Variants in STAT1 observed in about 807,000 individuals in gnomAD.
STAT1 encodes the protein signal transducer and activator of transcription 1-alpha/beta.
A neutral mutation model predicts 111.7 loss-of-function variants in STAT1; 24 were observed. The observed-to-expected ratio is 0.21, with a 90% CI of 0.16 to 0.30. The LOEUF (loss-of-function observed/expected upper bound fraction) is 0.30. Among genes scored for constraint, STAT1 ranks in the 10% least tolerant of loss-of-function variants. STAT1 has a pLI of 1.00. For synonymous variants in STAT1, 332 were observed against 326.5 expected (o/e 1.02, Z -0.18); for missense variants, 351 against 911.9 (o/e 0.38, Z 7.92).
rs4853537 is a variant in STAT1 at position 190,989,213 on chromosome 2, G to A, written c.1097+402C>T. Among the ~76,000 whole-genome samples, 41,721 of 152,162 alleles carry A rather than the reference G, an allele frequency of 0.27. 7,814 individuals carry two copies. Among genetic ancestry groups the A allele is most frequent in the African/African-American group, 0.5 (20,728 of 41,472 alleles). ...CTCCTTTGGGGCTGACCTAGAAGGA[G>A]GGGGTGGCATGCCAAGTCCAGCCAC... On this transcript the variant is annotated intron_variant, in intron 12 of 24. Transcript: ENST00000361099. The surrounding 1 kb of genome is among the most constrained non-coding windows in gnomAD (Gnocchi z 5.0).
intron 5 of STAT1, among the ~76,000 whole-genome samples, chr2:191,002,599 G>C (rs1405713699): frequency 6.6e-6 from 1 of 152,160 alleles, no homozygotes; most frequent in African/African-American, 2.4e-5. Context: ...AACTCAGGGA[G>C]AGCTAACATC....
Position 190,974,756 on chromosome 2 carries a change from T to A in STAT1, c.2238+74A>T. On this transcript the variant is annotated intron_variant, in intron 24 of 24. Transcript: ENST00000361099. This position sits in a 1 kb window ranked among gnomAD's most constrained non-coding sequence, Gnocchi z 4.8. The stretch of plus-strand genomic sequence containing the variant: ...CCCTCCCGCAGACAGGCCCGGGATC[T>A]GCCATGGTGCGCTCCCTGCCTCTGA... 1 of 1,336,544 alleles carries A rather than the reference T, an allele frequency of 7.5e-7. No individual in the cohort carries two copies. Among genetic ancestry groups the A allele is most frequent in the Non-Finnish European group, 1.1e-6 (1 of 928,894 alleles). 82.8% of individuals were successfully genotyped at this position (1,336,544 alleles called of 1,614,324 possible).
At position 190,987,570 on chromosome 2, in the gene STAT1, T is replaced by C. The variant is rs1413827881; in HGVS notation, c.1098-502A>G. 6.6e-6 allele frequency among the ~76,000 whole-genome samples: 1 copy of C among 152,222 alleles called. No individual in the cohort carries two copies. Among genetic ancestry groups the C allele is most frequent in the East Asian group, 1.9e-4 (1 of 5,198 alleles). ...CCATTTAATTCTCATTTTTATTCTC[T>C]ATGATCTTTAATGCTCTCATGAAAG... On this transcript the variant is annotated intron_variant, in intron 12 of 24. Transcript: ENST00000361099. The surrounding 1 kb of genome is among the most constrained non-coding windows in gnomAD (Gnocchi z 4.0).
In STAT1 at chr2:190,977,413, CTTTG is replaced by C. The variant is rs1045977997; in HGVS notation, c.1874-392_1874-389del. Among the ~76,000 whole-genome samples the C allele has an allele frequency of 1.2e-4, 18 of 152,288 alleles. No homozygotes were observed. Among genetic ancestry groups the C allele is most frequent in the South Asian group, 8.3e-4 (4 of 4,824 alleles). ...ATTTAAATTACTAGAGATAAACTCA[CTTTG>C]TTTTTCTTTTCATATTGAAAAATCT... On this transcript the variant is annotated intron_variant, in intron 21 of 24. Coordinates refer to ENST00000361099, the MANE Select transcript of STAT1 (RefSeq NM_007315.4). The surrounding 1 kb of genome is among the most constrained non-coding windows in gnomAD (Gnocchi z 4.7).
In STAT1 at chr2:190,970,531, C is replaced by G. The variant is rs1470359868; in HGVS notation, c.*172G>C. The G allele has an allele frequency of 5.5e-6, 4 of 724,322 alleles. No homozygotes were observed. The highest frequency in any genetic ancestry group is 4.5e-5 in the South Asian group (3 of 67,120). 44.9% of individuals were successfully genotyped at this position (724,322 alleles called of 1,614,324 possible). A position where few individuals can be genotyped will look rare whatever the true frequency, so the allele number is the denominator to read the frequency against. ...AGATGCATGATGCCCTTCAGAGTAACTGATGTTTCTGAGTTAGAGAAAAAT... is the reference window on the plus strand; with the variant it reads ...AGATGCATGATGCCCTTCAGAGTAAGTGATGTTTCTGAGTTAGAGAAAAAT... On this transcript the variant is annotated 3_prime_UTR_variant, in exon 25 of 25. Coordinates refer to ENST00000361099, the MANE Select transcript of STAT1 (RefSeq NM_007315.4). This position sits in a 1 kb window ranked among gnomAD's most constrained non-coding sequence, Gnocchi z 5.4.
At position 190,995,962 on chromosome 2, in the gene STAT1, A is replaced by G. The variant is rs1693822396; in HGVS notation, c.786-743T>C. Among the ~76,000 whole-genome samples, 1 of 152,188 alleles carries G rather than the reference A, an allele frequency of 6.6e-6. No homozygotes were observed. Among genetic ancestry groups the G allele is most frequent in the Admixed American group, 6.5e-5 (1 of 15,280 alleles). ...TTCCAGGTGATGCAAGAGGCAGCAA[A>G]GAGCCACTGCAGGTTCTGTCAAGAG... On this transcript the variant is annotated intron_variant, in intron 9 of 24. Transcript: ENST00000361099. The surrounding 1 kb of genome is among the most constrained non-coding windows in gnomAD (Gnocchi z 4.2).
At chr2:190,994,952 ATATAT>A in intron 10 of STAT1, 104 bp downstream of exon 10, 32 of 411,536 alleles carry the variant, frequency 7.8e-5, no homozygotes, top group Non-Finnish European at 1.2e-4. Flanking sequence ...ATATATATAT[ATATAT>A]AAAAAACACC....
In STAT1 at chr2:190,989,517, C is replaced by T; in HGVS notation, c.1097+98G>A. ...CCACCCAGTATAGACCCTTCCACAG[C>T]TAGAAATCTGCTTATTTAGTGGAGG... On this transcript the variant is annotated intron_variant, in intron 12 of 24. Coordinates refer to ENST00000361099, the MANE Select transcript of STAT1 (RefSeq NM_007315.4). The surrounding 1 kb of genome is among the most constrained non-coding windows in gnomAD (Gnocchi z 5.0). 1.2e-6 allele frequency: 1 copy of T among 867,190 alleles called. No homozygotes were observed. The highest frequency in any genetic ancestry group is 1.8e-6 in the Non-Finnish European group (1 of 549,168). 53.7% of individuals were successfully genotyped at this position (867,190 alleles called of 1,614,324 possible).
intron 4 of STAT1, 143 bp downstream of exon 4, chr2:191,008,820 C>T (rs901774226): frequency 6.0e-6 from 5 of 830,760 alleles, no homozygotes; most frequent in Admixed American, 2.8e-5. Context: ...TTTACTGATG[C>T]TGTAGAAAAC....
In STAT1 at chr2:190,991,214, C is replaced by A. The variant is rs775868840; in HGVS notation, c.1037+14G>T. The stretch of plus-strand genomic sequence containing the variant: ...TGACAGGTGATGTATGGGATGCCAT[C>A]TTTCCCTTGTTACCTCAACTTCACA... On this transcript the variant is annotated intron_variant, in intron 11 of 24. Coordinates refer to ENST00000361099, the MANE Select transcript of STAT1 (RefSeq NM_007315.4). 1.1e-5 allele frequency: 18 copies of A among 1,613,308 alleles called. No individual in the cohort carries two copies. The highest frequency in any genetic ancestry group is 1.5e-5 in the Non-Finnish European group (18 of 1,179,398).
rs1693555410 is a variant in STAT1, at chr2:190,993,465, T to C, written c.944+1596A>G. ...GTGCTGATGTAGCTTTCTGTATATG[T>C]TATCATCTGCAAACCTAAGAAGGAG... On this transcript the variant is annotated intron_variant, in intron 10 of 24. Transcript: ENST00000361099. The surrounding 1 kb of genome is among the most constrained non-coding windows in gnomAD (Gnocchi z 4.1). 8.0e-7 allele frequency: 1 copy of C among 1,254,286 alleles called. No individual in the cohort carries two copies. Among genetic ancestry groups the C allele is most frequent in the Non-Finnish European group, 1.1e-6 (1 of 874,352 alleles). 77.7% of individuals were successfully genotyped at this position (1,254,286 alleles called of 1,614,324 possible). A position where few individuals can be genotyped will look rare whatever the true frequency, so the allele number is the denominator to read the frequency against.
Position 190,983,797 on chromosome 2 carries a change from T to C in STAT1, c.1348-57A>G, listed in dbSNP as rs1692569507. Reference sequence around the variant, plus strand: ...GAATCACAGAAATGTCACCTTCAGATAACTGCTTAGCCTCAACTAAAAGCA... The same window carrying C: ...GAATCACAGAAATGTCACCTTCAGACAACTGCTTAGCCTCAACTAAAAGCA... On this transcript the variant is annotated intron_variant, in intron 16 of 24. Transcript: ENST00000361099. The surrounding 1 kb of genome is among the most constrained non-coding windows in gnomAD (Gnocchi z 5.7). The C allele has an allele frequency of 7.0e-7, 1 of 1,434,496 alleles. No homozygotes were observed. The allele number at this position is 1,434,496 out of a possible 1,614,324, so 88.9% of individuals were successfully genotyped here.
Position 191,013,899 on chromosome 2 carries a change from G to A in STAT1, c.-156+119C>T, listed in dbSNP as rs868383271. On this transcript the variant is annotated intron_variant, in intron 1 of 24. Transcript: ENST00000361099. Reference sequence around the variant, plus strand: ...TACTCAGGACGCGTTCTTCCTCTGGGATCACTATTCGCGGGTCAGCACAGA... The same window carrying A: ...TACTCAGGACGCGTTCTTCCTCTGGAATCACTATTCGCGGGTCAGCACAGA... 1.1e-5 allele frequency: 4 copies of A among 374,302 alleles called. No homozygotes were observed. The South Asian group carries it at 5.9e-4, about 55-fold the overall frequency. The allele number at this position is 374,302 out of a possible 1,614,324, so 23.2% of individuals were successfully genotyped here.
chr2:191,007,615 C>G lies in STAT1; in HGVS notation c.320G>C (p.Ser107Thr). ...AATTTTCCTTTCTTCCTTCAGACAG[C>G]TGTAAATGATCATAGACATCTGGAT... ...DPIQMSMIIYSCLKEERKILE... is the reference protein window; with the variant it reads ...DPIQMSMIIYTCLKEERKILE... Residue 107 changes from serine (S) to threonine (T), a missense_variant, in exon 5 of 25, where the codon AGC becomes ACC. Ser to Thr is a moderately conservative substitution (Grantham distance 58). Transcript: ENST00000361099. This position sits in a 1 kb window ranked among gnomAD's most constrained non-coding sequence, Gnocchi z 4.2. 1 of 1,613,738 alleles carries G rather than the reference C, an allele frequency of 6.2e-7. No individual in the cohort carries two copies. The highest frequency in any genetic ancestry group is 8.5e-7 in the Non-Finnish European group (1 of 1,179,894).
intron 4 of STAT1, among the ~76,000 whole-genome samples, chr2:191,008,716 A>G (rs916615847): frequency 5.3e-5 from 8 of 152,246 alleles, no homozygotes; most frequent in African/African-American, 1.2e-4. Context: ...CATTTTTCTC[A>G]GGATTACTGA....
At position 190,997,971 on chromosome 2, in the gene STAT1, T is replaced by A. The variant is rs771750276; in HGVS notation, c.670A>T (p.Thr224Ser). The A allele has an allele frequency of 4.1e-5, 66 of 1,614,112 alleles. No homozygotes were observed. The South Asian group carries it at 5.3e-4, about 13-fold the overall frequency. ...ATCAGGGCATTCTGGGTAAGTTCAGTGACATTCAGCAACTCTATTATTTTG... is the reference window on the plus strand; with the variant it reads ...ATCAGGGCATTCTGGGTAAGTTCAGAGACATTCAGCAACTCTATTATTTTG... ...VHKIIELLNV[T>S]ELTQNALIND... Residue 224 changes from threonine (T) to serine (S), a missense_variant, in exon 9 of 25, where the codon ACT becomes TCT. This residue lies in a region of STAT1 where 67 missense variants were observed against 158.9 expected (regional missense o/e 0.42). Coordinates refer to ENST00000361099, the MANE Select transcript of STAT1 (RefSeq NM_007315.4). The surrounding 1 kb of genome is among the most constrained non-coding windows in gnomAD (Gnocchi z 7.3).
At position 190,995,110 on chromosome 2, in the gene STAT1, G is replaced by T. The variant is rs1247630154; in HGVS notation, c.895C>A (p.Gln299Lys). 6.2e-7 allele frequency: 1 copy of T among 1,613,718 alleles called. No homozygotes were observed. Among genetic ancestry groups the T allele is most frequent in the Non-Finnish European group, 8.5e-7 (1 of 1,179,942 alleles). The change falls in exon 10 of 25, where the codon CAA becomes AAA. Residue 299 changes from glutamine (Q) to lysine (K), a missense_variant. Physicochemically the swap from Gln to Lys is moderately conservative, Grantham distance 53. This residue lies in a region of STAT1 where 16 missense variants were observed against 23.7 expected (regional missense o/e 0.67). Transcript: ENST00000361099. The surrounding 1 kb of genome is among the most constrained non-coding windows in gnomAD (Gnocchi z 4.2). ...CTGAAGGTGCGGTCCCATAACACTT[G>T]TTTGTTTTTTGTGATAGGGTCATGT... ...YEHDPITKNK[Q>K]VLWDRTFSLF... is the part of the protein sequence containing the mutation.
chr2:190,976,190 T>C lies in STAT1; in HGVS notation c.2060-303A>G, dbSNP rs1032675637. 6.6e-6 allele frequency among the ~76,000 whole-genome samples: 1 copy of C among 152,180 alleles called. No homozygotes were observed. Among genetic ancestry groups the C allele is most frequent in the Non-Finnish European group, 1.5e-5 (1 of 68,010 alleles). On this transcript the variant is annotated intron_variant, in intron 22 of 24. Transcript: ENST00000361099. This position sits in a 1 kb window ranked among gnomAD's most constrained non-coding sequence, Gnocchi z 6.0. ...AAGTCTGAGCCCAAAATATGCAAAGTTCTATCCAGTTTATTGGCATTAGCC... is the reference window on the plus strand; with the variant it reads ...AAGTCTGAGCCCAAAATATGCAAAGCTCTATCCAGTTTATTGGCATTAGCC...
In STAT1 at chr2:190,976,766, T is replaced by C. The variant is rs773999970; in HGVS notation, c.2059+74A>G. 3 of 1,319,686 alleles carry C rather than the reference T, an allele frequency of 2.3e-6. No individual in the cohort carries two copies. Among genetic ancestry groups the C allele is most frequent in the Non-Finnish European group, 3.3e-6 (3 of 913,388 alleles). The allele number at this position is 1,319,686 out of a possible 1,614,324, so 81.7% of individuals were successfully genotyped here. A position where few individuals can be genotyped will look rare whatever the true frequency, so the allele number is the denominator to read the frequency against. The stretch of plus-strand genomic sequence containing the variant: ...ATTCGAAAGCAAAACACTGCATGGG[T>C]GGAGTTTCAGAATAATCACCCCCTC... On this transcript the variant is annotated intron_variant, in intron 22 of 24. Transcript: ENST00000361099. The surrounding 1 kb of genome is among the most constrained non-coding windows in gnomAD (Gnocchi z 6.0).
Sources: allele counts gnomAD v4.1 joint callset (sites outside exome capture counted in the v4.1 genomes callset), GRCh38; gene constraint gnomAD v4.1.1; regional missense constraint gnomAD v4.1.1; non-coding constraint Gnocchi (gnomAD v3.1); transcripts MANE v1.5; gene names NCBI Gene and HGNC (gene_info 2026-07-23, HGNC 2026-07-21).